Variants in RORB observed in about 807,000 individuals in gnomAD.
RORB encodes nuclear receptor ROR-beta.
In RORB, 6 loss-of-function variants were observed where a neutral mutation model predicts 59.1. That is an observed-to-expected ratio of 0.10 (90% CI 0.06 to 0.20). RORB has a LOEUF of 0.20. RORB is among the 10% of genes least tolerant of loss of function. RORB has a pLI of 1.00. For synonymous variants in RORB, 215 were observed against 204.5 expected (o/e 1.05, Z -0.44); for missense variants, 320 against 560.5 (o/e 0.57, Z 4.33).
chr9:74,601,247 T>A (rs1004746179), intron 1 of RORB, among the ~76,000 whole-genome samples: 1 of 151,804 alleles, frequency 6.6e-6, no homozygotes, highest in Non-Finnish European at 1.5e-5. Flanking sequence ...TATGAAAAAA[T>A]TTGAATACAT....
intron 3 of RORB, among the ~76,000 whole-genome samples, chr9:74,640,867 G>T (rs958275460): frequency 1.3e-5 from 2 of 152,156 alleles, no homozygotes; most frequent in East Asian, 3.9e-4. Context: ...ATGAATTTTG[G>T]AAGAATATTG....
chr9:74,673,404 G>A (rs1323368), intron 9 of RORB, among the ~76,000 whole-genome samples: 23,618 of 151,914 alleles, frequency 0.16, 2,170 homozygotes, highest in Non-Finnish European at 0.19. Flanking sequence ...GCTTGCTTGG[G>A]AGGATTGTCC....
intron 1 of RORB, among the ~76,000 whole-genome samples, chr9:74,565,232 C>T (rs1822451090): frequency 6.6e-6 from 1 of 152,174 alleles, no homozygotes; most frequent in Non-Finnish European, 1.5e-5. Flanking sequence ...CACCACTCAG[C>T]AGAAAGGGTC....
At position 74,537,011 on chromosome 9, in the gene RORB, A is replaced by AAT. The variant is rs199640045; in HGVS notation, c.7+39038_7+39039dup. ...GAATTGATTCCTACAACCACTTGGT[A>AAT]ATATATATATAAGGCAGTTATAAGA... On this transcript the variant is annotated intron_variant, in intron 1 of 9. Transcript: ENST00000376896. Among the ~76,000 whole-genome samples, 1,121 of 152,074 alleles carry AAT rather than the reference A, an allele frequency of 7.4e-3. 4 individuals are homozygous for AAT. Among genetic ancestry groups the AAT allele is most frequent in the African/African-American group, 0.021 (870 of 41,522 alleles).
intron 1 of RORB, among the ~76,000 whole-genome samples, chr9:74,569,597 A>G (rs538840676): frequency 1.3e-5 from 2 of 152,200 alleles, no homozygotes; most frequent in African/African-American, 4.8e-5. Context: ...ACCAGTCACA[A>G]ATACTAGCCT....
At chr9:74,636,760 G>A (rs961654311) in intron 3 of RORB, among the ~76,000 whole-genome samples, 25 of 152,084 alleles carry the variant, frequency 1.6e-4, no homozygotes, top group African/African-American at 5.3e-4. Flanking sequence ...AAATGGTCAC[G>A]GGGGTGTGGG....
intron 1 of RORB, among the ~76,000 whole-genome samples, chr9:74,549,814 C>T (rs1456036181): frequency 1.3e-5 from 2 of 151,976 alleles, no homozygotes; most frequent in Non-Finnish European, 2.9e-5. Flanking sequence ...TGCGACCCTC[C>T]GCCTCCCGGG....
intron 4 of RORB, 119 bp downstream of exon 4, chr9:74,642,934 C>A: frequency 1.5e-6 from 1 of 659,596 alleles, no homozygotes; most frequent in Non-Finnish European, 2.4e-6. Flanking sequence ...TTCACAGCTT[C>A]TACTGAGAAA....
intron 1 of RORB, among the ~76,000 whole-genome samples, chr9:74,608,388 A>AC (rs1823181942): frequency 6.6e-6 from 1 of 151,590 alleles, no homozygotes; most frequent in African/African-American, 2.4e-5. Flanking sequence ...ACACGCTGAA[A>AC]CCCCGTCTCT....
intron 1 of RORB, among the ~76,000 whole-genome samples, chr9:74,545,344 T>G (rs1308022016): frequency 6.6e-6 from 1 of 152,126 alleles, no homozygotes; most frequent in Non-Finnish European, 1.5e-5. Flanking sequence ...TGCGGTGCCT[T>G]TTTGTATCCA....
chr9:74,515,614 A>T (rs1825998017), intron 1 of RORB, among the ~76,000 whole-genome samples: 4 of 152,056 alleles, frequency 2.6e-5, no homozygotes, highest in Admixed American at 2.6e-4. Context: ...TCCCATGAAA[A>T]AATATGCTTT....
At chr9:74,560,702 A>G (rs1296957230) in intron 1 of RORB, among the ~76,000 whole-genome samples, 2 of 151,530 alleles carry the variant, frequency 1.3e-5, no homozygotes, top group Non-Finnish European at 2.9e-5. Context: ...TAATAAATTT[A>G]TATAATAATA....
chr9:74,648,463 T>A (rs1823936238), intron 4 of RORB, among the ~76,000 whole-genome samples: 1 of 152,188 alleles, frequency 6.6e-6, no homozygotes. Flanking sequence ...TGCATTAATA[T>A]TCCCCCCTTG....
chr9:74,586,909 A>G (rs138456327), intron 1 of RORB, among the ~76,000 whole-genome samples: 143 of 152,254 alleles, frequency 9.4e-4, no homozygotes, highest in African/African-American at 3.1e-3. Flanking sequence ...TGCATTGTTC[A>G]GTTTTTTTAA....
intron 1 of RORB, among the ~76,000 whole-genome samples, chr9:74,612,210 T>G (rs1256634649): frequency 1.3e-5 from 2 of 151,974 alleles, no homozygotes; most frequent in African/African-American, 4.8e-5. Context: ...TGTGGGTAAT[T>G]GGAGCAGAGT....
intron 1 of RORB, among the ~76,000 whole-genome samples, chr9:74,586,894 G>A (rs190801162): frequency 2.5e-4 from 38 of 152,194 alleles, no homozygotes; most frequent in African/African-American, 8.9e-4. Flanking sequence ...CCATGTCAAT[G>A]TAGATGCATT....
At chr9:74,587,551 T>C (rs1470484382) in intron 1 of RORB, among the ~76,000 whole-genome samples, 1 of 152,212 alleles carries the variant, frequency 6.6e-6, no homozygotes, top group East Asian at 1.9e-4. Flanking sequence ...TGGTTCTTCT[T>C]GTCTGAGTCA....
At chr9:74,512,892 C>T (rs936278225) in intron 1 of RORB, among the ~76,000 whole-genome samples, 7 of 152,188 alleles carry the variant, frequency 4.6e-5, no homozygotes, top group East Asian at 1.9e-4. Context: ...GTTCCCAACA[C>T]GGAAAACTTC....
chr9:74,630,095 G>A (rs1823590708), intron 1 of RORB, 187 bp from the exon 2 acceptor site: 1 of 288,434 alleles, frequency 3.5e-6, no homozygotes, highest in Admixed American at 6.5e-5. Flanking sequence ...GCAGAGAAAT[G>A]TACTTTGACT....
Sources: gnomAD v4.1 joint callset for allele counts (sites outside exome capture counted in the v4.1 genomes callset) on GRCh38, gnomAD v4.1.1 for gene constraint, MANE v1.5 for transcripts, NCBI Gene and HGNC (gene_info 2026-07-23, HGNC 2026-07-21) for gene names.